POMGNT2: variants seen among roughly 807,000 people sequenced by gnomAD.
The protein encoded by POMGNT2 is protein O-linked-mannose beta-1,4-N-acetylglucosaminyltransferase 2.
Under a neutral mutation model 37.8 loss-of-function variants are expected in POMGNT2, and 32 were observed. The ratio of observed to expected loss-of-function variants is 0.85; its 90% confidence interval spans 0.64 to 1.14. The LOEUF (loss-of-function observed/expected upper bound fraction) is 1.14, where lower values mean the gene tolerates loss of function less well. Ranked by LOEUF, POMGNT2 falls within the 50% of genes most tolerant of loss-of-function variation. The pLI is 0.00. For synonymous variants in POMGNT2, 340 were observed against 336.8 expected (o/e 1.01, Z -0.10); for missense variants, 705 against 780.6 (o/e 0.90, Z 1.15).
intron 1 of POMGNT2, among the ~76,000 whole-genome samples, chr3:43,082,032 A>C (rs1309849161): frequency 6.6e-6 from 1 of 152,264 alleles, no homozygotes; most frequent in African/African-American, 2.4e-5. Context: ...AACGCAGCCA[A>C]GATCAGCCAA....
rs2089843447 is a variant in POMGNT2 at position 43,080,693 on chromosome 3, A to G, written c.739T>C (p.Phe247Leu). ...SKITTWYQYG[F>L]VQPQGPKANI... ...GCCTTCGGGCCCTGGGGCTGCACAAAGCCATACTGGTACCAGGTAGTGATC... is the reference window on the plus strand; with the variant it reads ...GCCTTCGGGCCCTGGGGCTGCACAAGGCCATACTGGTACCAGGTAGTGATC... The change falls in exon 2 of 2, where the codon TTT becomes CTT. Residue 247 changes from phenylalanine to leucine, a missense_variant. Phe to Leu is a conservative substitution (Grantham distance 22, BLOSUM62 0). Transcript: ENST00000344697. 1 of 1,614,148 alleles carries G rather than the reference A, an allele frequency of 6.2e-7. No homozygotes were observed. The highest frequency in any genetic ancestry group is 2.2e-5 in the East Asian group (1 of 44,866).
chr3:43,089,888 T>C (rs898536865), intron 1 of POMGNT2, among the ~76,000 whole-genome samples: 1 of 152,004 alleles, frequency 6.6e-6, no homozygotes, highest in Non-Finnish European at 1.5e-5. Context: ...AAGGAGAATA[T>C]AGTGGGGCCC....
At position 43,079,351 on chromosome 3, in the gene POMGNT2, C is replaced by T. The variant is rs1348472818; in HGVS notation, c.*338G>A. 7.0e-6 allele frequency: 2 copies of T among 283,718 alleles called. No individual in the cohort carries two copies. Among genetic ancestry groups the T allele is most frequent in the Non-Finnish European group, 1.3e-5 (2 of 152,292 alleles). 17.6% of individuals were successfully genotyped at this position (283,718 alleles called of 1,614,324 possible). A position where few individuals can be genotyped will look rare whatever the true frequency, so the allele number is the denominator to read the frequency against. ...AAACAGTACATGATTACTCGGTTTC[C>T]AGAAATCTGGATACCAGAAAAACTC... On this transcript the variant is annotated 3_prime_UTR_variant, in exon 2 of 2. Transcript: ENST00000344697.
At chr3:43,091,204 G>A (rs1235425869) in intron 1 of POMGNT2, among the ~76,000 whole-genome samples, 3 of 151,924 alleles carry the variant, frequency 2.0e-5, no homozygotes, top group Non-Finnish European at 4.4e-5. Context: ...TTTATTCCAG[G>A]GCTAGGGCAG....
At position 43,100,463 on chromosome 3, in the gene POMGNT2, G is replaced by A. The variant is rs192667278; in HGVS notation, c.-106+5373C>T. Among the ~76,000 whole-genome samples the A allele has an allele frequency of 1.5e-3, 221 of 152,288 alleles. 1 individual carries two copies. The highest frequency in any genetic ancestry group is 5.3e-3 in the African/African-American group (219 of 41,548). ...GTATCTGTGGGGGATCCCGGAACAAGTCTCCCTGAGGAGGGCAACTGTATA... is the reference window on the plus strand; with the variant it reads ...GTATCTGTGGGGGATCCCGGAACAAATCTCCCTGAGGAGGGCAACTGTATA... On this transcript the variant is annotated intron_variant, in intron 1 of 1. Coordinates refer to ENST00000344697, the MANE Select transcript of POMGNT2 (RefSeq NM_032806.6).
chr3:43,096,096 G>C (rs1167613065), intron 1 of POMGNT2, among the ~76,000 whole-genome samples: 3 of 152,176 alleles, frequency 2.0e-5, no homozygotes, highest in Admixed American at 2.0e-4. Context: ...TTATTTGTTT[G>C]CTTTCCTTTA....
Position 43,080,224 on chromosome 3 carries a change from G to A in POMGNT2, c.1208C>T (p.Thr403Ile). ...WRNMMPENTV[T>I]HPERPWDQGG... The stretch of plus-strand genomic sequence containing the variant: ...CTGATCCCAGGGCCGCTCAGGGTGT[G>A]TGACTGTGTTCTCTGGCATCATGTT... Residue 403 changes from threonine to isoleucine, a missense_variant, in exon 2 of 2, where the codon ACA becomes ATA. Coordinates refer to ENST00000344697, the MANE Select transcript of POMGNT2 (RefSeq NM_032806.6). 6.2e-7 allele frequency: 1 copy of A among 1,614,202 alleles called. No individual in the cohort carries two copies. The highest frequency in any genetic ancestry group is 1.6e-4 in the Middle Eastern group (1 of 6,062).
intron 1 of POMGNT2, 30 bp downstream of exon 1, chr3:43,105,806 G>T (rs1283724172): frequency 6.6e-6 from 1 of 151,982 alleles, no homozygotes; most frequent in East Asian, 1.9e-4. Context: ...GTCGGAGTCC[G>T]CTCCAGCCCC....
At chr3:43,084,744 T>A (rs971764618) in intron 1 of POMGNT2, among the ~76,000 whole-genome samples, 29 of 152,244 alleles carry the variant, frequency 1.9e-4, no homozygotes, top group Admixed American at 2.6e-4. Context: ...GACTGGATGA[T>A]TTCTATCATT....
Position 43,080,910 on chromosome 3 carries a change from T to A in POMGNT2, c.522A>T (p.Pro174=). ...LMHVFHDDLL[P]LFYTLRQFPG... ...GAAACTGCCGCAGGGTGTAGAAGAG[T>A]GGCAGCAGGTCGTCATGAAAGACGT... is the stretch of plus-strand genomic sequence containing the variant. Residue 174 remains proline (P), a synonymous_variant, in exon 2 of 2, where the codon CCA becomes CCT. Coordinates refer to ENST00000344697, the MANE Select transcript of POMGNT2 (RefSeq NM_032806.6). The A allele has an allele frequency of 1.9e-6, 3 of 1,613,204 alleles. No individual in the cohort carries two copies. Among genetic ancestry groups the A allele is most frequent in the Non-Finnish European group, 2.5e-6 (3 of 1,179,782 alleles).
At chr3:43,085,006 G>T (rs1359046854) in intron 1 of POMGNT2, among the ~76,000 whole-genome samples, 3 of 150,386 alleles carry the variant, frequency 2.0e-5, no homozygotes, top group Non-Finnish European at 4.4e-5. Context: ...GGAGAGCATT[G>T]ACTCTTTACT....
intron 1 of POMGNT2, among the ~76,000 whole-genome samples, chr3:43,095,937 C>T (rs2089976580): frequency 6.6e-6 from 1 of 152,130 alleles, no homozygotes; most frequent in South Asian, 2.1e-4. Flanking sequence ...CCAGAGAATG[C>T]CACTGGCTGA....
In POMGNT2 at chr3:43,098,603, A is replaced by G. The variant is rs573108340; in HGVS notation, c.-106+7233T>C. 2.0e-5 allele frequency among the ~76,000 whole-genome samples: 3 copies of G among 152,332 alleles called. No homozygotes were observed. In the South Asian group the frequency reaches 6.2e-4, roughly 32 times the overall value. ...TTAAGGGCTCACTTTCTTAGATTAA[A>G]ACTTTGACATGGGTAGTATCTTCTT... On this transcript the variant is annotated intron_variant, in intron 1 of 1. Coordinates refer to ENST00000344697, the MANE Select transcript of POMGNT2 (RefSeq NM_032806.6). This position sits in a 1 kb window ranked among gnomAD's most constrained non-coding sequence, Gnocchi z 4.3.
rs757506472 is a variant in POMGNT2 at position 43,080,738 on chromosome 3, C to A, written c.694G>T (p.Ala232Ser). 6.2e-7 allele frequency: 1 copy of A among 1,614,122 alleles called. No individual in the cohort carries two copies. The highest frequency in any genetic ancestry group is 8.5e-7 in the Non-Finnish European group (1 of 1,180,044). Reference sequence around the variant, plus strand: ...GTGATCTTGGAGAGGCCCACAAAAGCATGGGAGAAGCACAGCAGCCGGCCC... The same window carrying A: ...GTGATCTTGGAGAGGCCCACAAAAGAATGGGAGAAGCACAGCAGCCGGCCC... ...TLGRLLCFSH[A>S]FVGLSKITTW... The change falls in exon 2 of 2, where the codon GCT becomes TCT. Residue 232 changes from alanine (A) to serine (S), a missense_variant. By Grantham distance (99) the Ala-to-Ser change is moderately conservative. Coordinates refer to ENST00000344697, the MANE Select transcript of POMGNT2 (RefSeq NM_032806.6).
intron 1 of POMGNT2, among the ~76,000 whole-genome samples, chr3:43,085,882 T>C (rs980491269): frequency 2.6e-5 from 4 of 152,332 alleles, no homozygotes; most frequent in South Asian, 2.1e-4. Context: ...TGTGGGCTTC[T>C]CTAGCACCAC....
At position 43,079,688 on chromosome 3, in the gene POMGNT2, G is replaced by T. The variant is rs779454247; in HGVS notation, c.*1C>A. 2.5e-6 allele frequency: 4 copies of T among 1,608,822 alleles called. No individual in the cohort carries two copies. Among genetic ancestry groups the T allele is most frequent in the Non-Finnish European group, 3.4e-6 (4 of 1,177,024 alleles). ...CCCGAGGCCAGGCTGTGGCCTGCTC[G>T]CTACGTGTTGCACACCAGCACATCT... is the stretch of plus-strand genomic sequence containing the variant. On this transcript the variant is annotated 3_prime_UTR_variant, in exon 2 of 2. Coordinates refer to ENST00000344697, the MANE Select transcript of POMGNT2 (RefSeq NM_032806.6).
At chr3:43,087,946 G>A (rs1166472005) in intron 1 of POMGNT2, 1 of 152,140 alleles carries the variant, frequency 6.6e-6, no homozygotes, top group East Asian at 1.9e-4. Flanking sequence ...AATGAAAATG[G>A]GGGTACAGTA....
intron 1 of POMGNT2, among the ~76,000 whole-genome samples, chr3:43,089,585 C>T (rs919831456): frequency 6.6e-6 from 1 of 152,104 alleles, no homozygotes; most frequent in Non-Finnish European, 1.5e-5. Flanking sequence ...AGCTCCCAAG[C>T]TCAGAGTCTC....
chr3:43,088,799 G>A (rs1432033554), intron 1 of POMGNT2, among the ~76,000 whole-genome samples: 1 of 152,334 alleles, frequency 6.6e-6, no homozygotes, highest in Non-Finnish European at 1.5e-5. Flanking sequence ...AGATACAGAC[G>A]ACCCTGGTGA....
Sources: allele counts gnomAD v4.1 joint callset (sites outside exome capture counted in the v4.1 genomes callset), GRCh38; gene constraint gnomAD v4.1.1; non-coding constraint Gnocchi (gnomAD v3.1); transcripts MANE v1.5; gene names NCBI Gene and HGNC (gene_info 2026-07-23, HGNC 2026-07-21).